Variants in GLRA2 observed in about 807,000 individuals in gnomAD.
GLRA2 encodes the protein glycine receptor subunit alpha-2.
In GLRA2, 11 loss-of-function variants were observed where a neutral mutation model predicts 31.6. That is an observed-to-expected ratio of 0.35 (90% CI 0.22 to 0.58). The LOEUF (loss-of-function observed/expected upper bound fraction) is 0.58. Ranked by LOEUF, GLRA2 falls within the 20% of genes least tolerant of loss-of-function variation. The pLI is 0.84. For synonymous variants in GLRA2, 132 were observed against 134.0 expected, an observed-to-expected ratio of 0.99 and a Z score of 0.10; for missense variants, 212 against 351.8, an observed-to-expected ratio of 0.60 and a Z score of 3.18.
intron 7 of GLRA2, among the ~76,000 whole-genome samples, chrX:14,690,468 T>G (rs2091332934): frequency 8.9e-6 from 1 of 111,838 alleles, no homozygotes; most frequent in Non-Finnish European, 1.9e-5. Context: ...TTGGAGCTGG[T>G]CTCAGGAATA....
At chrX:14,526,044 C>T (rs1285599126), upstream of GLRA2, among the ~76,000 whole-genome samples, 1 of 111,938 alleles carries the variant, frequency 8.9e-6, no homozygotes, top group Non-Finnish European at 1.9e-5. Flanking sequence ...TGACGAGCTC[C>T]TTGAGTCAGA....
intron 7 of GLRA2, among the ~76,000 whole-genome samples, chrX:14,688,760 A>G (rs904846689): frequency 2.7e-5 from 3 of 109,494 alleles, no homozygotes; most frequent in Non-Finnish European, 5.7e-5. Flanking sequence ...GGGTGAGGCA[A>G]TGCCTCACCC....
chrX:14,513,255 A>G, the GLRA2 span, among the ~76,000 whole-genome samples: 1 of 111,955 alleles, frequency 8.9e-6, no homozygotes. Flanking sequence ...CTCAACTTAT[A>G]CAAAAATCAA....
At chrX:14,605,113 T>C (rs3027385) in intron 5 of GLRA2, among the ~76,000 whole-genome samples, 8,952 of 111,417 alleles carry the variant, frequency 0.08, 504 homozygotes, top group African/African-American at 0.18. Context: ...AGTTAAGAGA[T>C]ATGAATTTCT....
the GLRA2 span, among the ~76,000 whole-genome samples, chrX:14,467,847 C>G: frequency 9.5e-6 from 1 of 105,465 alleles, no homozygotes; most frequent in Non-Finnish European, 1.9e-5. Context: ...GTGTAAGGAC[C>G]GAAAAAAAAA....
At chrX:14,637,698 GC>G (rs2036653102) in intron 7 of GLRA2, among the ~76,000 whole-genome samples, 1 of 111,624 alleles carries the variant, frequency 9.0e-6, no homozygotes, top group Non-Finnish European at 1.9e-5. Context: ...TCTTCCCCAA[GC>G]CCCACTGGGA....
intron 2 of GLRA2, among the ~76,000 whole-genome samples, chrX:14,542,464 G>A (rs751633925): frequency 9.0e-6 from 1 of 111,288 alleles, no homozygotes; most frequent in African/African-American, 3.3e-5. Context: ...CATGGTTGGT[G>A]GTCTTCTTAT....
intron 8 of GLRA2, among the ~76,000 whole-genome samples, chrX:14,729,735 C>T (rs1231388083): frequency 2.7e-5 from 3 of 111,124 alleles, no homozygotes; most frequent in Non-Finnish European, 5.7e-5. Flanking sequence ...GGGGGAATTG[C>T]GCTGTGAATG....
chrX:14,723,269 T>G (rs2091887824), intron 8 of GLRA2, among the ~76,000 whole-genome samples: 1 of 112,297 alleles, frequency 8.9e-6, no homozygotes. Context: ...ATCCATCTAG[T>G]GGTTTAAGCT....
At chrX:14,468,612 A>T in the GLRA2 span, among the ~76,000 whole-genome samples, 6 of 112,313 alleles carry the variant, frequency 5.3e-5, no homozygotes, top group African/African-American at 1.6e-4. Flanking sequence ...AAGTTAAATC[A>T]GGAATATATA....
intron 1 of GLRA2, chrX:14,530,981 A>G: frequency 3.5e-6 from 3 of 868,375 alleles, no homozygotes. Flanking sequence ...GAACCAAGAT[A>G]AATGGAACAC....
In GLRA2 at chrX:14,668,929, C is replaced by G. The variant is rs188387767; in HGVS notation, c.931-21781C>G. ...TCCCCCAAAGTCTTAACTCATTTCA[C>G]CATTAACTCAAAAGTCCACAGTCCA... On this transcript the variant is annotated intron_variant, in intron 7 of 8. Transcript: ENST00000218075. 2.0e-3 allele frequency among the ~76,000 whole-genome samples: 226 copies of G among 111,767 alleles called. 1 individual carries two copies. Among genetic ancestry groups the G allele is most frequent in the African/African-American group, 7.2e-3 (221 of 30,761 alleles).
intron 7 of GLRA2, among the ~76,000 whole-genome samples, chrX:14,673,815 C>T (rs188337195): frequency 2.7e-5 from 3 of 112,364 alleles, no homozygotes; most frequent in East Asian, 2.8e-4. Flanking sequence ...ATGAAGATTG[C>T]GGTTATCTGC....
At chrX:14,700,532 T>C (rs781533643) in intron 8 of GLRA2, among the ~76,000 whole-genome samples, 3 of 111,633 alleles carry the variant, frequency 2.7e-5, no homozygotes, top group African/African-American at 9.8e-5. Flanking sequence ...AGAAAATTCA[T>C]AGTATCTAAA....
intron 7 of GLRA2, among the ~76,000 whole-genome samples, chrX:14,686,332 G>T (rs1404101746): frequency 2.7e-5 from 3 of 111,729 alleles, no homozygotes; most frequent in Non-Finnish European, 5.6e-5. Flanking sequence ...TATTAGGTCT[G>T]CTTGGTGCAG....
chrX:14,623,709 A>G (rs1348732895), intron 7 of GLRA2, among the ~76,000 whole-genome samples: 3 of 111,392 alleles, frequency 2.7e-5, no homozygotes, highest in Non-Finnish European at 3.8e-5. Context: ...CCACTTGATC[A>G]TGGTGGATAA....
chrX:14,646,944 C>A (rs2090838574), intron 7 of GLRA2, among the ~76,000 whole-genome samples: 1 of 112,043 alleles, frequency 8.9e-6, no homozygotes, highest in Admixed American at 9.5e-5. Flanking sequence ...ACAGTGACAA[C>A]CACCTTGGGG....
rs974510307 is a variant in GLRA2 at position 14,578,017 on chromosome X, A to G, written c.271-3166A>G. Among the ~76,000 whole-genome samples the G allele has an allele frequency of 4.5e-5, 5 of 111,413 alleles. No individual in the cohort carries two copies. The South Asian group carries it at 1.9e-3, about 42-fold the overall frequency. On this transcript the variant is annotated intron_variant, in intron 3 of 8. Coordinates refer to ENST00000218075, the MANE Select transcript of GLRA2 (RefSeq NM_002063.4). The stretch of plus-strand genomic sequence containing the variant: ...GTCATTGAGGACATTGATTGGTGCT[A>G]TTTTCTGGGGTAATAGTTTTGATTT...
intron 7 of GLRA2, among the ~76,000 whole-genome samples, chrX:14,663,260 T>G (rs982623712): frequency 4.5e-5 from 5 of 111,585 alleles, no homozygotes; most frequent in Non-Finnish European, 1.9e-5. Flanking sequence ...ATATTTTCCC[T>G]GAATTAGTAT....
Sources: allele counts gnomAD v4.1 joint callset (sites outside exome capture counted in the v4.1 genomes callset), GRCh38; gene constraint gnomAD v4.1.1; transcripts MANE v1.5; gene names NCBI Gene and HGNC (gene_info 2026-07-23, HGNC 2026-07-21).